The following ROBO2 variants were observed in gnomAD, a reference collection of about 807,000 sequenced individuals.
The protein encoded by ROBO2 is roundabout guidance receptor 2, also known as roundabout homolog 2.
A neutral mutation model predicts 160.8 loss-of-function variants in ROBO2; 53 were observed. The observed-to-expected ratio is 0.33, with a 90% CI of 0.26 to 0.41. The LOEUF is 0.41. ROBO2 is among the 10% of genes least tolerant of loss of function. The probability of loss-of-function intolerance (pLI) is 1.00; values close to 1 mark genes in which losing one functional copy is unlikely to be tolerated. For missense variants in ROBO2, 1,577 were observed against 1,722.4 expected (o/e 0.92, Z 1.49); for synonymous variants, 664 against 611.7 (o/e 1.09, Z -1.26).
chr3:76,580,330 T>G (rs866491923), intron 2 of ROBO2, among the ~76,000 whole-genome samples: 10 of 136,276 alleles, frequency 7.3e-5, no homozygotes, highest in Middle Eastern at 3.6e-3. Flanking sequence ...TTTTTTTTGT[T>G]TTTTTTTTTG....
At chr3:77,565,978 T>C (rs536502465) in intron 12 of ROBO2, among the ~76,000 whole-genome samples, 1 of 152,230 alleles carries the variant, frequency 6.6e-6, no homozygotes, top group African/African-American at 2.4e-5. Flanking sequence ...GGTAATTTTA[T>C]TATTTGTTAT....
At chr3:76,241,246 C>G (rs1014600756) in intron 2 of ROBO2, among the ~76,000 whole-genome samples, 1 of 152,096 alleles carries the variant, frequency 6.6e-6, no homozygotes, top group African/African-American at 2.4e-5. Context: ...GCCATGGCTT[C>G]CCGGGATCTT....
intron 2 of ROBO2, among the ~76,000 whole-genome samples, chr3:77,195,403 A>G (rs1255772741): frequency 1.3e-5 from 2 of 152,214 alleles, no homozygotes; most frequent in South Asian, 2.1e-4. Context: ...TTAGGTTTAT[A>G]TAGCTTTTTC....
chr3:77,140,565 G>A (rs1356320466), intron 2 of ROBO2, among the ~76,000 whole-genome samples: 2 of 152,100 alleles, frequency 1.3e-5, no homozygotes, highest in African/African-American at 4.8e-5. Context: ...AAAAGCCTAG[G>A]CCAAGCAAAT....
At chr3:77,067,028 T>TCA (rs144228628) in intron 1 of ROBO2, among the ~76,000 whole-genome samples, 16,234 of 136,706 alleles carry the variant, frequency 0.12, 1,018 homozygotes, top group African/African-American at 0.19. Context: ...ACACACACAC[T>TCA]CACACACACA....
Position 77,537,808 on chromosome 3 carries a change from G to C in ROBO2, c.935-8530G>C, listed in dbSNP as rs140004119. Among the ~76,000 whole-genome samples, 1,156 of 152,206 alleles carry C rather than the reference G, an allele frequency of 7.6e-3. 16 individuals are homozygous for C. Among genetic ancestry groups the C allele is most frequent in the African/African-American group, 0.026 (1,085 of 41,544 alleles). ...TGGTGGTGGCAAGAGAGCCCTTTGT[G>C]GGGGAACTCTCCTTTATAAAACCAT... On this transcript the variant is annotated intron_variant, in intron 6 of 25. Coordinates refer to ENST00000461745, the Ensembl canonical transcript of ROBO2.
intron 2 of ROBO2, among the ~76,000 whole-genome samples, chr3:76,717,066 C>G (rs941211466): frequency 6.6e-6 from 1 of 152,068 alleles, no homozygotes; most frequent in Non-Finnish European, 1.5e-5. Flanking sequence ...TGATATCTGG[C>G]GTAAGTTTTG....
intron 2 of ROBO2, among the ~76,000 whole-genome samples, chr3:76,207,566 A>G (rs1489897954): frequency 1.3e-5 from 2 of 152,296 alleles, no homozygotes; most frequent in Non-Finnish European, 2.9e-5. Context: ...TTGTTCACAT[A>G]TTCACTAAAC....
chr3:76,799,073 G>T (rs1318368479), intron 2 of ROBO2, among the ~76,000 whole-genome samples: 4 of 152,048 alleles, frequency 2.6e-5, no homozygotes, highest in African/African-American at 9.7e-5. Context: ...AATTAGCTGG[G>T]CATGGTGGCA....
intron 6 of ROBO2, among the ~76,000 whole-genome samples, chr3:77,543,742 A>G (rs867630189): frequency 9.7e-4 from 146 of 151,214 alleles, no homozygotes; most frequent in African/African-American, 3.3e-3. Flanking sequence ...CTCAGTTAAT[A>G]TATTTTAAAA....
At chr3:76,444,665 C>T (rs1271290791) in intron 2 of ROBO2, among the ~76,000 whole-genome samples, 8 of 152,160 alleles carry the variant, frequency 5.3e-5, no homozygotes, top group Non-Finnish European at 1.5e-5. Flanking sequence ...ATTCAATGAC[C>T]TTCCACTAGG....
At chr3:77,518,518 G>A (rs904960208) in intron 5 of ROBO2, among the ~76,000 whole-genome samples, 2 of 151,346 alleles carry the variant, frequency 1.3e-5, no homozygotes, top group African/African-American at 2.4e-5. Context: ...ATGTATTGTA[G>A]CATTTACTTC....
chr3:76,580,434 T>C (rs2085627706), intron 2 of ROBO2, among the ~76,000 whole-genome samples: 1 of 147,940 alleles, frequency 6.8e-6, no homozygotes, highest in East Asian at 2.1e-4. Context: ...TCTTATGGCC[T>C]ACTACGTGAT....
rs114444624 is a variant in ROBO2 at position 77,273,122 on chromosome 3, G to A, written c.388+174782G>A. 6.1e-3 allele frequency among the ~76,000 whole-genome samples: 921 copies of A among 151,814 alleles called. 6 individuals are homozygous for A. The highest frequency in any genetic ancestry group is 0.021 in the African/African-American group (872 of 41,296). Reference sequence around the variant, plus strand: ...GACCGTTTCCCTTCCTTTTTCCCCCGTCTAGTAGCCCCCACTGTCCATTGT... The same window carrying A: ...GACCGTTTCCCTTCCTTTTTCCCCCATCTAGTAGCCCCCACTGTCCATTGT... On this transcript the variant is annotated intron_variant, in intron 2 of 25. Transcript: ENST00000461745.
At chr3:77,637,494 T>C (rs1364301203) in intron 24 of ROBO2, among the ~76,000 whole-genome samples, 1 of 152,204 alleles carries the variant, frequency 6.6e-6, no homozygotes, top group Non-Finnish European at 1.5e-5. Flanking sequence ...TTTTTGAGTC[T>C]CTATAAATGT....
At chr3:76,540,409 T>C (rs1328511356) in intron 2 of ROBO2, among the ~76,000 whole-genome samples, 1 of 152,210 alleles carries the variant, frequency 6.6e-6, no homozygotes, top group East Asian at 1.9e-4. Context: ...AGTGGTATGG[T>C]CTAACTGACT....
chr3:76,633,939 A>G (rs756147805), intron 2 of ROBO2, among the ~76,000 whole-genome samples: 5 of 152,200 alleles, frequency 3.3e-5, no homozygotes, highest in Non-Finnish European at 5.9e-5. Context: ...CTGGTTGCCT[A>G]CAATTGATGC....
At chr3:76,066,598 C>T (rs1245202525) in intron 2 of ROBO2, among the ~76,000 whole-genome samples, 1 of 151,656 alleles carries the variant, frequency 6.6e-6, no homozygotes, top group Non-Finnish European at 1.5e-5. Context: ...TTAGAATCCA[C>T]AGAGAAGAAA....
chr3:77,389,752 C>CT (rs200190395), intron 2 of ROBO2, among the ~76,000 whole-genome samples: 140 of 150,458 alleles, frequency 9.3e-4, no homozygotes, highest in Middle Eastern at 3.4e-3. Context: ...AGTTCATTAA[C>CT]TTTTTTTTAA....
Sources: allele counts gnomAD v4.1 joint callset (sites outside exome capture counted in the v4.1 genomes callset), GRCh38; gene constraint gnomAD v4.1.1; transcripts MANE v1.5; gene names NCBI Gene and HGNC (gene_info 2026-07-23, HGNC 2026-07-21).